LAMA1: variants seen among roughly 807,000 people sequenced by gnomAD.
The protein encoded by LAMA1 is laminin subunit alpha-1.
Under a neutral mutation model 348.7 loss-of-function variants are expected in LAMA1, and 219 were observed. The ratio of observed to expected loss-of-function variants is 0.63; its 90% CI spans 0.56 to 0.70. LAMA1 has a LOEUF of 0.70. LAMA1 is among the 30% of genes least tolerant of loss of function. LAMA1 has a pLI of 0.00. For missense variants in LAMA1, 3,744 were observed against 3,888.0 expected (o/e 0.96, Z 0.99); for synonymous variants, 1,487 against 1,491.0 (o/e 1.00, Z 0.06).
intron 59 of LAMA1, 100 bp from the exon 60 acceptor site, chr18:6,948,656 C>T (rs2057533077): frequency 7.6e-7 from 1 of 1,317,996 alleles, no homozygotes; most frequent in Admixed American, 1.9e-5. Flanking sequence ...CAGCAAAACA[C>T]ATTAAAATGT....
At chr18:7,032,596 G>A in intron 15 of LAMA1, among the ~76,000 whole-genome samples, 1 of 152,168 alleles carries the variant, frequency 6.6e-6, no homozygotes, top group East Asian at 1.9e-4. Context: ...AAAATAGCGA[G>A]GGGCCATAAA....
intron 33 of LAMA1, among the ~76,000 whole-genome samples, chr18:6,996,379 T>C (rs897533360): frequency 1.3e-5 from 2 of 152,216 alleles, no homozygotes; most frequent in Non-Finnish European, 2.9e-5. Flanking sequence ...CATTTAGGAA[T>C]GGCCATCCCT....
chr18:6,961,847 T>G (rs560268130), intron 52 of LAMA1, 88 bp from the exon 53 acceptor site: 1 of 1,572,030 alleles, frequency 6.4e-7, no homozygotes, highest in East Asian at 2.2e-5. Context: ...TTCCCCATCA[T>G]CTCTTTTCTA....
chr18:7,009,396 C>T, intron 26 of LAMA1, 30 bp from the exon 27 acceptor site: 1 of 1,612,676 alleles, frequency 6.2e-7, no homozygotes, highest in Non-Finnish European at 8.5e-7. Context: ...TTCAATTAAG[C>T]TCAGAGGCCA....
At chr18:6,965,131 A>C (rs1395857029) in intron 50 of LAMA1, among the ~76,000 whole-genome samples, 157 bp downstream of exon 50, 1 of 152,224 alleles carries the variant, frequency 6.6e-6, no homozygotes, top group Non-Finnish European at 1.5e-5. Context: ...CAAAATGTGA[A>C]TCCTGTTGGT....
In LAMA1 at chr18:7,067,875, C is replaced by T. The variant is rs569283330; in HGVS notation, c.345+12100G>A. Reference sequence around the variant, plus strand: ...TTTTCGCATTTTTTTTTTTTTGAGACGGCGTTTTGCTCTTGTTGCCCCGGC... The same window carrying T: ...TTTTCGCATTTTTTTTTTTTTGAGATGGCGTTTTGCTCTTGTTGCCCCGGC... On this transcript the variant is annotated intron_variant, in intron 3 of 62. Transcript: ENST00000389658. Among the ~76,000 whole-genome samples the T allele has an allele frequency of 2.5e-3, 380 of 149,810 alleles. 3 individuals carry two copies. Among genetic ancestry groups the T allele is most frequent in the African/African-American group, 9.0e-3 (362 of 40,380 alleles).
At chr18:7,096,265 T>C (rs1373214640) in intron 1 of LAMA1, among the ~76,000 whole-genome samples, 3 of 152,212 alleles carry the variant, frequency 2.0e-5, no homozygotes, top group Non-Finnish European at 2.9e-5. Flanking sequence ...CTTTGTTAAT[T>C]ACCAGGGAGA....
At chr18:6,984,927 T>C (rs946253748) in intron 39 of LAMA1, among the ~76,000 whole-genome samples, 2 of 152,190 alleles carry the variant, frequency 1.3e-5, no homozygotes, top group Admixed American at 1.3e-4. Context: ...GAGCATTCAG[T>C]AGGTGCTTAA....
At chr18:6,985,779 A>G (rs1367413337) in intron 37 of LAMA1, 136 bp from the exon 38 acceptor site, 1 of 676,608 alleles carries the variant, frequency 1.5e-6, no homozygotes, top group African/African-American at 1.8e-5. Flanking sequence ...TCATTTTTTG[A>G]GATGGAGTCT....
chr18:7,010,455 T>G (rs1466826219), intron 25 of LAMA1, 70 bp from the exon 26 acceptor site: 6 of 1,381,812 alleles, frequency 4.3e-6, no homozygotes, highest in Non-Finnish European at 6.1e-6. Context: ...ATTGCAAGAC[T>G]GCCACCATAA....
chr18:7,110,802 C>A (rs2058332404), intron 1 of LAMA1, among the ~76,000 whole-genome samples: 1 of 152,034 alleles, frequency 6.6e-6, no homozygotes, highest in South Asian at 2.1e-4. Context: ...GCCTGGGCAA[C>A]AGAGTGAGAC....
rs529861910 is a variant in LAMA1 at position 7,048,853 on chromosome 18, C to G, written c.768+225G>C. On this transcript the variant is annotated intron_variant, in intron 5 of 62. Coordinates refer to ENST00000389658, the MANE Select transcript of LAMA1 (RefSeq NM_005559.4). ...TCACCACATTATGGCACTATGGGGA[C>G]GGGGTGGGTGAGGGACCTAAGGATA... 1.9e-3 allele frequency among the ~76,000 whole-genome samples: 293 copies of G among 151,948 alleles called. 2 individuals carry two copies. The highest frequency in any genetic ancestry group is 6.7e-3 in the African/African-American group (277 of 41,436).
chr18:6,985,452 A>T (rs1325571248), intron 38 of LAMA1, 52 bp from the exon 39 acceptor site: 5 of 1,600,196 alleles, frequency 3.1e-6, no homozygotes, highest in Non-Finnish European at 3.4e-6. Context: ...TTAATAACAG[A>T]TATGTGTGCA....
chr18:7,053,558 GA>G (rs371872897), intron 3 of LAMA1, among the ~76,000 whole-genome samples: 1,823 of 150,250 alleles, frequency 0.012, 21 homozygotes, highest in Middle Eastern at 0.042. Context: ...AAACTGGGGG[GA>G]AAAAAAAATG....
At position 6,947,240 on chromosome 18, in the gene LAMA1, A is replaced by C; in HGVS notation, c.8767T>G (p.Ser2923Ala). Residue 2923 changes from serine to alanine, a missense_variant, in exon 61 of 63, where the codon TCC becomes GCC. Around this residue, in one of 3 missense-constraint regions of LAMA1, gnomAD observed 232 missense variants for 264.4 expected, o/e 0.88. Coordinates refer to ENST00000389658, the MANE Select transcript of LAMA1 (RefSeq NM_005559.4). ...DVNITLEFRT[S>A]SQNGVLLGIS... is the part of the protein sequence containing the mutation. ...CCCAGGAGGACGCCATTCTGCGAGG[A>C]GGTTCGAAACTCCAGTGTGATGTTC... 1 of 1,614,110 alleles carries C rather than the reference A, an allele frequency of 6.2e-7. No individual in the cohort carries two copies.
chr18:7,062,941 A>G (rs1212869601), intron 3 of LAMA1, among the ~76,000 whole-genome samples: 3 of 152,134 alleles, frequency 2.0e-5, no homozygotes, highest in Non-Finnish European at 2.9e-5. Flanking sequence ...TTATGAGAAA[A>G]CACACGAGCA....
At chr18:7,013,109 C>T (rs761727574) in intron 23 of LAMA1, among the ~76,000 whole-genome samples, 1 of 151,790 alleles carries the variant, frequency 6.6e-6, no homozygotes, top group Non-Finnish European at 1.5e-5. Flanking sequence ...TGCAGTGAGC[C>T]GAGATTGTGC....
intron 19 of LAMA1, among the ~76,000 whole-genome samples, chr18:7,019,674 CTTTTTTTTTTTTTT>C (rs35235323): frequency 1.1e-5 from 1 of 94,548 alleles, no homozygotes; most frequent in Non-Finnish European, 1.9e-5. Flanking sequence ...TATGGTAATT[CTTTTTTTTTTTTTT>C]TTTTTTTTTT....
rs753352955 is a variant in LAMA1, at chr18:7,007,166, G to T, written c.4233C>A (p.Thr1411=). ...VPCSCNNHSD[T]CDPNTGKCLN... ...GACACTTCCCGGTGTTGGGGTCACA[G>T]GTGTCACTGTGGTTGTTGCAACTGC... The change falls in exon 29 of 63, where the codon ACC becomes ACA. Residue 1411 remains threonine, a synonymous_variant. Transcript: ENST00000389658. The T allele has an allele frequency of 1.3e-5, 21 of 1,614,146 alleles. No individual in the cohort carries two copies. The highest frequency in any genetic ancestry group is 1.8e-5 in the Non-Finnish European group (21 of 1,180,026).
Sources: gnomAD v4.1 joint callset for allele counts (sites outside exome capture counted in the v4.1 genomes callset) on GRCh38, gnomAD v4.1.1 for gene constraint, gnomAD v4.1.1 regional missense constraint, MANE v1.5 for transcripts, NCBI Gene and HGNC (gene_info 2026-07-23, HGNC 2026-07-21) for gene names.